Variants in DNAAF10 observed in about 807,000 individuals in gnomAD.
DNAAF10 encodes WD repeat domain 92.
DNAAF10 carries 28 observed loss-of-function variants against 43.7 expected under a neutral mutation model. That is an observed-to-expected ratio of 0.64 (90% CI 0.48 to 0.88). The LOEUF (loss-of-function observed/expected upper bound fraction) is 0.88. Ranked by LOEUF, DNAAF10 falls within the 40% of genes least tolerant of loss-of-function variation. The probability of loss-of-function intolerance (pLI) is 0.00; values close to 1 mark genes in which losing one functional copy is unlikely to be tolerated. For synonymous variants in DNAAF10, 156 were observed against 157.3 expected, an observed-to-expected ratio of 0.99 and a Z score of 0.06; for missense variants, 403 against 439.1, an observed-to-expected ratio of 0.92 and a Z score of 0.73.
intron 1 of DNAAF10, among the ~76,000 whole-genome samples, chr2:68,156,023 G>A (rs1454565107): frequency 1.3e-5 from 2 of 150,374 alleles, no homozygotes; most frequent in East Asian, 3.9e-4. Context: ...GGGAGGCTGA[G>A]GTGGGGAGGC....
At chr2:68,157,146 C>A (rs1220199346) in intron 1 of DNAAF10, 115 bp downstream of exon 1, 1 of 1,382,624 alleles carries the variant, frequency 7.2e-7, no homozygotes, top group East Asian at 2.3e-5. Context: ...TGGTCTCGCG[C>A]GGCTCAAGCC....
intron 6 of DNAAF10, among the ~76,000 whole-genome samples, chr2:68,135,536 G>GGAGAGAGAGAGA (rs140065394): frequency 6.6e-6 from 1 of 151,960 alleles, no homozygotes; most frequent in African/African-American, 2.4e-5. Context: ...GGGGAACTTA[G>GGAGAGAGAGAGA]GAGAGAGAGA....
At chr2:68,141,871 G>T in intron 3 of DNAAF10, 76 bp from the exon 4 acceptor site, 2 of 1,219,200 alleles carry the variant, frequency 1.6e-6, no homozygotes, top group Non-Finnish European at 2.4e-6. Flanking sequence ...CTTCTTCTAT[G>T]GCTTCCTGTG....
At chr2:68,131,518 C>A in intron 7 of DNAAF10, 73 bp from the exon 8 acceptor site, 3 of 1,410,234 alleles carry the variant, frequency 2.1e-6, no homozygotes, top group Admixed American at 1.8e-5. Flanking sequence ...ACATACACTT[C>A]AATGACTCTA....
chr2:68,137,263 T>C (rs1463015121), intron 6 of DNAAF10, 36 bp downstream of exon 6: 1 of 1,592,494 alleles, frequency 6.3e-7, no homozygotes, highest in South Asian at 1.2e-5. Flanking sequence ...CAAGCTATCA[T>C]TCTTCTTCAT....
intron 4 of DNAAF10, among the ~76,000 whole-genome samples, chr2:68,139,408 A>G (rs549473548): frequency 6.6e-6 from 1 of 152,296 alleles, no homozygotes; most frequent in South Asian, 2.1e-4. Context: ...CATGAGCCAA[A>G]TAAAACTCTT....
At chr2:68,148,385 A>G (rs1300901205) in intron 1 of DNAAF10, among the ~76,000 whole-genome samples, 2 of 152,220 alleles carry the variant, frequency 1.3e-5, no homozygotes, top group Admixed American at 6.5e-5. Context: ...AAGATGAATG[A>G]GATTGGCCAG....
intron 1 of DNAAF10, among the ~76,000 whole-genome samples, chr2:68,156,272 C>T (rs1396790895): frequency 6.6e-6 from 1 of 152,038 alleles, no homozygotes; most frequent in African/African-American, 2.4e-5. Context: ...CTTAACAGTC[C>T]AAATTGTATT....
chr2:68,156,970 C>G, intron 1 of DNAAF10: 3 of 475,016 alleles, frequency 6.3e-6, no homozygotes, highest in Non-Finnish European at 1.1e-5. Context: ...TGATGCCTGT[C>G]GAATGTGTTA....
At chr2:68,155,939 TA>T (rs1213606518) in intron 1 of DNAAF10, among the ~76,000 whole-genome samples, 2 of 150,950 alleles carry the variant, frequency 1.3e-5, no homozygotes, top group Non-Finnish European at 3.0e-5. Context: ...TCTACCAAAA[TA>T]AAAAATAAAA....
intron 4 of DNAAF10, among the ~76,000 whole-genome samples, chr2:68,140,306 A>G (rs1673147810): frequency 6.6e-6 from 1 of 152,116 alleles, no homozygotes; most frequent in Admixed American, 6.5e-5. Context: ...GTACACCATC[A>G]TCTTAAACTC....
chr2:68,157,522 A>T lies in DNAAF10; in HGVS notation c.-79T>A, dbSNP rs754948720. 2 of 1,587,676 alleles carry T rather than the reference A, an allele frequency of 1.3e-6. No homozygotes were observed. The highest frequency in any genetic ancestry group is 2.2e-5 in the South Asian group (2 of 90,598). On this transcript the variant is annotated 5_prime_UTR_variant, in exon 1 of 8. The change abolishes an upstream ATG in the 5' untranslated region. Coordinates refer to ENST00000295121, the MANE Select transcript of DNAAF10 (RefSeq NM_138458.4). Reference sequence around the variant, plus strand: ...GCAACCTGGAAACCAGACTCCAAACATTGGCAATTTGTCCCTCCCGCTTTC... The same window carrying T: ...GCAACCTGGAAACCAGACTCCAAACTTTGGCAATTTGTCCCTCCCGCTTTC...
At chr2:68,145,945 A>T (rs1470903088) in intron 2 of DNAAF10, among the ~76,000 whole-genome samples, 2 of 152,194 alleles carry the variant, frequency 1.3e-5, no homozygotes, top group Non-Finnish European at 2.9e-5. Context: ...TTGGGCCAAG[A>T]TTTATTAGTA....
At chr2:68,135,070 G>A (rs1164024889) in intron 6 of DNAAF10, among the ~76,000 whole-genome samples, 2 of 152,006 alleles carry the variant, frequency 1.3e-5, no homozygotes, top group African/African-American at 4.8e-5. Context: ...TAAGTTTATA[G>A]TATCAAATAC....
intron 1 of DNAAF10, among the ~76,000 whole-genome samples, chr2:68,156,449 A>C (rs912916973): frequency 6.6e-5 from 10 of 152,168 alleles, no homozygotes; most frequent in Admixed American, 5.2e-4. Context: ...TAAAAACTAT[A>C]AACAGCTATA....
intron 4 of DNAAF10, among the ~76,000 whole-genome samples, chr2:68,139,790 C>T (rs1041440968): frequency 5.3e-5 from 8 of 149,916 alleles, no homozygotes; most frequent in African/African-American, 1.2e-4. Context: ...GGCAACAAAG[C>T]GAGACTCTGT....
At position 68,133,829 on chromosome 2, in the gene DNAAF10, A is replaced by G. The variant is rs374589045; in HGVS notation, c.866+873T>C. 4.6e-5 allele frequency among the ~76,000 whole-genome samples: 7 copies of G among 152,152 alleles called. 1 individual carries two copies. Among genetic ancestry groups the G allele is most frequent in the Admixed American group, 1.3e-4 (2 of 15,272 alleles). ...ACAGTACTTTAACAAGTACTTTCCA[A>G]CTGTAGCCCTGTTTTTCAGAACCCC... On this transcript the variant is annotated intron_variant, in intron 7 of 7. Transcript: ENST00000295121.
At chr2:68,144,763 G>A (rs1418428467) in intron 2 of DNAAF10, 48 bp from the exon 3 acceptor site, 6 of 1,554,550 alleles carry the variant, frequency 3.9e-6, no homozygotes, top group Non-Finnish European at 5.2e-6. Context: ...AAACATATAA[G>A]TCTACTACTG....
rs1673000285 is a variant in DNAAF10 at position 68,134,791 on chromosome 2, T to C, written c.777A>G (p.Lys259=). 2.5e-5 allele frequency: 41 copies of C among 1,613,364 alleles called. No homozygotes were observed. The highest frequency in any genetic ancestry group is 3.5e-5 in the Non-Finnish European group (41 of 1,179,842). Residue 259 remains lysine (K), a synonymous_variant, in exon 7 of 8, where the codon AAA becomes AAG. Coordinates refer to ENST00000295121, the MANE Select transcript of DNAAF10 (RefSeq NM_138458.4). ...GGTGTCGGACCTGCCACACAGTAGA[T>C]TTATGAGCCTAAATAGAACAAGAGG... ...GFASVSEKAH[K]STVWQVRHLP...
Sources: gnomAD v4.1 joint callset for allele counts (sites outside exome capture counted in the v4.1 genomes callset) on GRCh38, gnomAD v4.1.1 for gene constraint, MANE v1.5 for transcripts, NCBI Gene and HGNC (gene_info 2026-07-23, HGNC 2026-07-21) for gene names.